The following EEIG2 variants were observed in gnomAD, a reference collection of about 807,000 sequenced individuals.
EEIG2 encodes EEIG family member 2.
chr1:108,629,486 C>A, the EEIG2 span: 2 of 820,312 alleles, frequency 2.4e-6, no homozygotes, highest in Middle Eastern at 3.3e-4. Flanking sequence ...TTGTTTATTT[C>A]TCTAATAAAC....
At chr1:108,560,951 G>A in the EEIG2 span, among the ~76,000 whole-genome samples, 10 of 152,212 alleles carry the variant, frequency 6.6e-5, no homozygotes, top group Non-Finnish European at 8.8e-5. Flanking sequence ...ACAGAAACCT[G>A]TGCTTAGCAC....
the EEIG2 span, among the ~76,000 whole-genome samples, chr1:108,609,285 A>G: frequency 6.6e-6 from 1 of 152,254 alleles, no homozygotes; most frequent in African/African-American, 2.4e-5. Context: ...AAAACAGACA[A>G]ATCCCCTGCA....
At chr1:108,561,145 T>TAG in the EEIG2 span, among the ~76,000 whole-genome samples, 1 of 152,274 alleles carries the variant, frequency 6.6e-6, no homozygotes, top group African/African-American at 2.4e-5. Flanking sequence ...AAGTGGCCAC[T>TAG]AGTAGGTCTC....
the EEIG2 span, among the ~76,000 whole-genome samples, chr1:108,631,991 G>T: frequency 6.6e-6 from 1 of 151,620 alleles, no homozygotes; most frequent in Non-Finnish European, 1.5e-5. Context: ...GCGGGCGCCT[G>T]TAATCCCAGC....
chr1:108,624,995 GAAT>G, the EEIG2 span: 17 of 365,466 alleles, frequency 4.7e-5, no homozygotes, highest in East Asian at 7.3e-4. Flanking sequence ...AGGTACAAGA[GAAT>G]ACTACAGGAT....
the EEIG2 span, among the ~76,000 whole-genome samples, chr1:108,570,382 A>G: frequency 6.6e-6 from 1 of 152,178 alleles, no homozygotes; most frequent in Non-Finnish European, 1.5e-5. Context: ...TCTGTGCTGT[A>G]GTCTAGGGAG....
At chr1:108,561,673 C>T in the EEIG2 span, among the ~76,000 whole-genome samples, 2 of 152,216 alleles carry the variant, frequency 1.3e-5, no homozygotes, top group Non-Finnish European at 2.9e-5. Flanking sequence ...TTGCCGAAGA[C>T]AGTTTTTAAA....
At chr1:108,598,741 G>A in the EEIG2 span, among the ~76,000 whole-genome samples, 1 of 152,154 alleles carries the variant, frequency 6.6e-6, no homozygotes, top group Non-Finnish European at 1.5e-5. Context: ...GTAAACAAAA[G>A]TGCACATATG....
the EEIG2 span, among the ~76,000 whole-genome samples, chr1:108,569,071 A>T: frequency 2.8e-4 from 42 of 152,242 alleles, no homozygotes; most frequent in African/African-American, 2.4e-5. Flanking sequence ...CTAATGAAAG[A>T]TATTTGAAAA....
the EEIG2 span, among the ~76,000 whole-genome samples, chr1:108,583,387 C>T: frequency 1.3e-5 from 2 of 151,676 alleles, no homozygotes; most frequent in Non-Finnish European, 2.9e-5. Context: ...TCAAGCAATC[C>T]ACCTACCTTG....
the EEIG2 span, among the ~76,000 whole-genome samples, chr1:108,633,056 A>G: frequency 6.6e-6 from 1 of 151,128 alleles, no homozygotes; most frequent in South Asian, 2.1e-4. Context: ...AAGTGCTGAG[A>G]TTACAGGCAT....
the EEIG2 span, chr1:108,606,376 C>T: frequency 5.8e-6 from 3 of 516,696 alleles, no homozygotes; most frequent in Non-Finnish European, 9.9e-6. Flanking sequence ...TTGTATGCAA[C>T]TTGGAGATTG....
the EEIG2 span, chr1:108,635,212 G>C: frequency 1.4e-5 from 22 of 1,590,200 alleles, no homozygotes; most frequent in Non-Finnish European, 1.8e-5. Flanking sequence ...ATGTATCAAG[G>C]CATTTTATTC....
chr1:108,624,848 C>A, the EEIG2 span: 1 of 820,502 alleles, frequency 1.2e-6, no homozygotes, highest in Non-Finnish European at 2.0e-6. Flanking sequence ...TGAAACAGGC[C>A]AATAAGAATC....
chr1:108,582,298 A>G, the EEIG2 span, among the ~76,000 whole-genome samples: 1 of 152,126 alleles, frequency 6.6e-6, no homozygotes, highest in Non-Finnish European at 1.5e-5. Flanking sequence ...TGAACCCATA[A>G]TATCCCTGAG....
At chr1:108,585,751 A>G in the EEIG2 span, among the ~76,000 whole-genome samples, 3 of 152,104 alleles carry the variant, frequency 2.0e-5, no homozygotes, top group Non-Finnish European at 4.4e-5. Context: ...TCATTAGTGT[A>G]AGGATAAGCA....
chr1:108,635,219 A>G, the EEIG2 span: 1 of 1,581,226 alleles, frequency 6.3e-7, no homozygotes, highest in Non-Finnish European at 8.7e-7. Flanking sequence ...AAGGCATTTT[A>G]TTCAAGCACT....
chr1:108,565,152 C>T, the EEIG2 span, among the ~76,000 whole-genome samples: 4 of 151,986 alleles, frequency 2.6e-5, no homozygotes, highest in South Asian at 8.3e-4. Flanking sequence ...ATACATTGTA[C>T]GATTATGGTG....
At chr1:108,604,687 C>A in the EEIG2 span, among the ~76,000 whole-genome samples, 1 of 151,896 alleles carries the variant, frequency 6.6e-6, no homozygotes, top group African/African-American at 2.4e-5. Context: ...AGATGAAGAT[C>A]GGGAGCCTTT....
Sources: gnomAD v4.1 joint callset for allele counts (sites outside exome capture counted in the v4.1 genomes callset) on GRCh38, gnomAD v4.1.1 for gene constraint, MANE v1.5 for transcripts, NCBI Gene and HGNC (gene_info 2026-07-23, HGNC 2026-07-21) for gene names.